RINL: variants seen among roughly 807,000 people sequenced by gnomAD.
RINL encodes Ras and Rab interactor like.
Under a neutral mutation model 58.1 loss-of-function variants are expected in RINL, and 39 were observed. That is an observed-to-expected ratio of 0.67 (90% CI 0.52 to 0.88). The LOEUF is 0.88. RINL is among the 40% of genes least tolerant of loss of function. The pLI, the probability that RINL is intolerant of heterozygous loss-of-function variation, is 0.00. For missense variants in RINL, 711 were observed against 749.2 expected (o/e 0.95, Z 0.60); for synonymous variants, 286 against 323.1 (o/e 0.89, Z 1.23).
At position 38,868,966 on chromosome 19, in the gene RINL, GTTTT is replaced by G; in HGVS notation, c.*134_*137del. 3.9e-5 allele frequency: 22 copies of G among 563,664 alleles called. No individual in the cohort carries two copies. The highest frequency in any genetic ancestry group is 7.0e-5 in the Admixed American group (2 of 28,486). The allele number at this position is 563,664 out of a possible 1,614,324, so 34.9% of individuals were successfully genotyped here. A position where few individuals can be genotyped will look rare whatever the true frequency, so the allele number is the denominator to read the frequency against. ...ACGCCACCACGCCCGGCTAATTTTT[GTTTT>G]TTTTTTTTTTTGGTAGATGGGGGTC... is the stretch of plus-strand genomic sequence containing the variant. On this transcript the variant is annotated 3_prime_UTR_variant, in exon 12 of 12. Coordinates refer to ENST00000591812, the MANE Select transcript of RINL (RefSeq NM_001195833.2).
In RINL at chr19:38,868,054, C is replaced by A. The variant is rs1447540223; in HGVS notation, c.*1050G>T. Reference sequence around the variant, plus strand: ...CTTCGCCTCCCGGGTTCAAGCCATTCTCCTGCCTTAGCCTCCGGAGTAGCT... The same window carrying A: ...CTTCGCCTCCCGGGTTCAAGCCATTATCCTGCCTTAGCCTCCGGAGTAGCT... On this transcript the variant is annotated 3_prime_UTR_variant, in exon 12 of 12. Transcript: ENST00000591812. 2.0e-5 allele frequency: 3 copies of A among 152,214 alleles called. No homozygotes were observed. The highest frequency in any genetic ancestry group is 7.2e-5 in the African/African-American group (3 of 41,450). The allele number at this position is 152,214 out of a possible 1,614,324, so 9.4% of individuals were successfully genotyped here. A position where few individuals can be genotyped will look rare whatever the true frequency, so the allele number is the denominator to read the frequency against.
chr19:38,875,220 T>TC (rs1200108201), intron 3 of RINL, among the ~76,000 whole-genome samples: 3 of 149,190 alleles, frequency 2.0e-5, no homozygotes, highest in East Asian at 2.0e-4. Context: ...TTTTCTTTTT[T>TC]TTTTTTTTTT....
At chr19:38,874,502 G>A (rs1269951107) in intron 3 of RINL, among the ~76,000 whole-genome samples, 1 of 152,214 alleles carries the variant, frequency 6.6e-6, no homozygotes. Context: ...TTGAACTCCT[G>A]ACTTCAAGTG....
chr19:38,873,717 G>C (rs553473058), intron 4 of RINL, 169 bp downstream of exon 4: 1 of 524,962 alleles, frequency 1.9e-6, no homozygotes, highest in Admixed American at 3.2e-5. Flanking sequence ...GTAGAGACGG[G>C]GTTTTGCCAT....
Position 38,869,661 on chromosome 19 carries a change from T to C in RINL, c.1386A>G (p.Glu462=). 6.2e-7 allele frequency: 1 copy of C among 1,613,490 alleles called. No individual in the cohort carries two copies. Among genetic ancestry groups the C allele is most frequent in the Middle Eastern group, 1.7e-4 (1 of 5,960 alleles). ...ADAFLPALTE[E]LIWSPDIGDT... is the part of the protein sequence containing the mutation. ...CCCCAATGTCCGGGCTCCAGATGAG[T>C]TCCTCGGTCAGCGCCGGCAGGAAGG... Residue 462 remains glutamate (E), a synonymous_variant, in exon 10 of 12, where the codon GAA becomes GAG. Coordinates refer to ENST00000591812, the MANE Select transcript of RINL (RefSeq NM_001195833.2). This position sits in a 1 kb window ranked among gnomAD's most constrained non-coding sequence, Gnocchi z 5.7.
In RINL at chr19:38,873,969, C is replaced by T. The variant is rs999701905; in HGVS notation, c.230G>A (p.Arg77His). The change falls in exon 4 of 12, where the codon CGT (arginine) becomes CAT (histidine). Residue 77 changes from arginine (R) to histidine (H), a missense_variant. Coordinates refer to ENST00000591812, the MANE Select transcript of RINL (RefSeq NM_001195833.2). ...WPLGSFLVTG[R>H]DPSQALVLRS... Reference sequence around the variant, plus strand: ...CAACACCAGGGCCTGGCTGGGGTCACGTCCTGTGACCAAGAAACTCTGGGG... The same window carrying T: ...CAACACCAGGGCCTGGCTGGGGTCATGTCCTGTGACCAAGAAACTCTGGGG... 1.3e-5 allele frequency: 20 copies of T among 1,535,072 alleles called. 1 individual carries two copies. Among genetic ancestry groups the T allele is most frequent in the South Asian group, 3.6e-5 (3 of 84,044 alleles).
At chr19:38,876,526 A>C in intron 2 of RINL, 36 bp from the exon 3 acceptor site, 1 of 1,532,200 alleles carries the variant, frequency 6.5e-7, no homozygotes, top group African/African-American at 1.4e-5. Flanking sequence ...CAGGGGTCAG[A>C]GGTGGGCAGT....
rs1477473014 is a variant in RINL at position 38,869,448 on chromosome 19, C to G, written c.1475-38G>C. 1 of 1,574,832 alleles carries G rather than the reference C, an allele frequency of 6.3e-7. No homozygotes were observed. The highest frequency in any genetic ancestry group is 2.2e-5 in the East Asian group (1 of 44,448). ...AGGGAAGTCAGCTCCGCCCTCTCGG[C>G]TTCCCTGGTCGCCCCAAATCCCCCT... On this transcript the variant is annotated intron_variant, in intron 10 of 11. Transcript: ENST00000591812. The surrounding 1 kb of genome is among the most constrained non-coding windows in gnomAD (Gnocchi z 5.7).
At chr19:38,873,687 G>A (rs1205083795) in intron 4 of RINL, 199 bp downstream of exon 4, 10 of 459,640 alleles carry the variant, frequency 2.2e-5, no homozygotes, top group Admixed American at 1.4e-4. Context: ...CACCAAGCCC[G>A]GCTAATTTTT....
chr19:38,870,739 G>A lies in RINL; in HGVS notation c.855C>T (p.Ile285=). The A allele has an allele frequency of 6.2e-7, 1 of 1,613,406 alleles. No homozygotes were observed. Among genetic ancestry groups the A allele is most frequent in the Non-Finnish European group, 8.5e-7 (1 of 1,179,980 alleles). ...CGTGGGGACCCCCAGAATCTGAGGC[G>A]ATGCGCACCCGAAGGCTTCGGTACT... ...ARQYRSLRVR[I]ASDSGGPHGS... is the part of the protein sequence containing the mutation. The change falls in exon 8 of 12, where the codon ATC becomes ATT. Residue 285 remains isoleucine, a synonymous_variant. Transcript: ENST00000591812. The surrounding 1 kb of genome is among the most constrained non-coding windows in gnomAD (Gnocchi z 5.8).
At chr19:38,877,645 G>A (rs749690461) in intron 1 of RINL, among the ~76,000 whole-genome samples, 9 of 152,186 alleles carry the variant, frequency 5.9e-5, no homozygotes, top group Non-Finnish European at 1.0e-4. Context: ...TCACACATCT[G>A]TTCCTCTCTC....
Position 38,869,136 on chromosome 19 carries a change from C to A in RINL, c.1669G>T (p.Glu557Ter), listed in dbSNP as rs1269111485. 2 of 1,612,634 alleles carry A rather than the reference C, an allele frequency of 1.2e-6. No individual in the cohort carries two copies. The highest frequency in any genetic ancestry group is 1.7e-6 in the Non-Finnish European group (2 of 1,179,042). ...TCACTGGTCCCTGTCACAGTCTCTTCTGCCCATGGCTCCTTAAAGGGCAGG... is the reference window on the plus strand; with the variant it reads ...TCACTGGTCCCTGTCACAGTCTCTTATGCCCATGGCTCCTTAAAGGGCAGG... The part of the protein sequence containing the change: ...ANLPFKEPWA[E>*]ETVTGTSDN Residue 557 changes from glutamate to a stop codon, truncating the protein, a stop_gained, in exon 12 of 12, where the codon GAA becomes TAA. Transcript: ENST00000591812. LOFTEE classifies it low-confidence loss of function (END_TRUNC). This position sits in a 1 kb window ranked among gnomAD's most constrained non-coding sequence, Gnocchi z 5.7.
In RINL at chr19:38,869,357, G is replaced by T; in HGVS notation, c.1528C>A (p.Gln510Lys). ...CGGGGAGCGCGGTCTGTTTCGGGCT[G>T]GTAGTGGGCAATGTGGTGCAGCGCC... is the stretch of plus-strand genomic sequence containing the variant. ...FGALHHIAHY[Q>K]PETDRAPRGL... Residue 510 changes from glutamine (Q) to lysine (K), a missense_variant, in exon 11 of 12, where the codon CAG becomes AAG. Physicochemically the swap from Gln to Lys is moderately conservative, Grantham distance 53 (BLOSUM62 1). Transcript: ENST00000591812. The surrounding 1 kb of genome is among the most constrained non-coding windows in gnomAD (Gnocchi z 5.7). 1 of 1,613,552 alleles carries T rather than the reference G, an allele frequency of 6.2e-7. No homozygotes were observed. The highest frequency in any genetic ancestry group is 8.5e-7 in the Non-Finnish European group (1 of 1,179,694).
Position 38,870,994 on chromosome 19 carries a change from TG to T in RINL, c.602-3del, listed in dbSNP as rs747606975. 3.8e-6 allele frequency: 6 copies of T among 1,593,982 alleles called. No individual in the cohort carries two copies. The highest frequency in any genetic ancestry group is 5.1e-6 in the Non-Finnish European group (6 of 1,172,300). On this transcript the variant is annotated splice_region_variant and splice_polypyrimidine_tract_variant and intron_variant, in intron 7 of 11. Transcript: ENST00000591812. The surrounding 1 kb of genome is among the most constrained non-coding windows in gnomAD (Gnocchi z 5.8). ...CGTGAGGCGCAGGGTTCCTGGGGGC[TG>T]GAAGTGAGGAGGGCATTCGGTCGCC...
intron 3 of RINL, among the ~76,000 whole-genome samples, chr19:38,875,616 G>A (rs1359971573): frequency 6.6e-6 from 1 of 151,814 alleles, no homozygotes; most frequent in Non-Finnish European, 1.5e-5. Context: ...GGCGGAAGTT[G>A]CAGTGTGCCG....
intron 1 of RINL, among the ~76,000 whole-genome samples, 193 bp downstream of exon 1, chr19:38,878,039 C>G (rs1490524979): frequency 6.6e-6 from 1 of 152,082 alleles, no homozygotes; most frequent in East Asian, 1.9e-4. Context: ...GGCGCAGGTG[C>G]CCTGCCCAGG....
chr19:38,874,701 A>T (rs1972882479), intron 3 of RINL, among the ~76,000 whole-genome samples: 1 of 152,324 alleles, frequency 6.6e-6, no homozygotes, highest in South Asian at 2.1e-4. Context: ...GTCGTCTCCA[A>T]ACCTATTCCA....
At chr19:38,878,158 A>T (rs1360369019) in intron 1 of RINL, 74 bp downstream of exon 1, 1 of 151,580 alleles carries the variant, frequency 6.6e-6, no homozygotes, top group African/African-American at 2.4e-5. Context: ...GGGGTGGGTC[A>T]GGGCAGCTGC....
rs1972936817 is a variant in RINL at position 38,876,787 on chromosome 19, A to G, written c.-39-6T>C. 1 of 1,490,114 alleles carries G rather than the reference A, an allele frequency of 6.7e-7. No homozygotes were observed. 92.3% of individuals were successfully genotyped at this position (1,490,114 alleles called of 1,614,324 possible). ...AGTGAGTCATGACCTGGCCTCTGGCAGGGAGAAAGGTAAGACTCAAAGCTG... is the reference window on the plus strand; with the variant it reads ...AGTGAGTCATGACCTGGCCTCTGGCGGGGAGAAAGGTAAGACTCAAAGCTG... On this transcript the variant is annotated splice_polypyrimidine_tract_variant and splice_region_variant and intron_variant, in intron 1 of 11. Transcript: ENST00000591812.
Sources: gnomAD v4.1 joint callset for allele counts (sites outside exome capture counted in the v4.1 genomes callset) on GRCh38, gnomAD v4.1.1 for gene constraint, Gnocchi (gnomAD v3.1) non-coding constraint, MANE v1.5 for transcripts, NCBI Gene and HGNC (gene_info 2026-07-23, HGNC 2026-07-21) for gene names.